The following KCNG3 variants were observed in gnomAD, a reference collection of about 807,000 sequenced individuals.
KCNG3 encodes potassium voltage-gated channel modifier subfamily G member 3.
KCNG3 carries 15 observed loss-of-function variants against 29.0 expected under a neutral mutation model. The observed-to-expected ratio is 0.52, with a 90% confidence interval of 0.35 to 0.80. KCNG3 has a LOEUF of 0.80. Ranked by LOEUF, KCNG3 falls within the 30% of genes least tolerant of loss-of-function variation. KCNG3 has a pLI of 0.01. For synonymous variants in KCNG3, 322 were observed against 248.9 expected, an observed-to-expected ratio of 1.29 and a Z score of -2.76; for missense variants, 512 against 605.7, an observed-to-expected ratio of 0.85 and a Z score of 1.62.
downstream of KCNG3, among the ~76,000 whole-genome samples, chr2:42,439,170 A>C (rs764310479): frequency 1.9e-4 from 29 of 152,142 alleles, no homozygotes; most frequent in Non-Finnish European, 2.4e-4. Flanking sequence ...CATTTGTCTC[A>C]AGCCCTCCTT....
In KCNG3 at chr2:42,476,298, C is replaced by A. The variant is rs1337186745; in HGVS notation, c.665+16539G>T. ...ACCAGCCTGGGCAACATAGAGAAAC[C>A]CAGTCTCTACAAAAAAAAAATACAA... On this transcript the variant is annotated intron_variant, in intron 1 of 1. Transcript: ENST00000306078. 1.5e-4 allele frequency among the ~76,000 whole-genome samples: 23 copies of A among 150,852 alleles called. 1 individual carries two copies. Among genetic ancestry groups the A allele is most frequent in the Admixed American group, 1.5e-3 (23 of 15,100 alleles).
intron 1 of KCNG3, among the ~76,000 whole-genome samples, chr2:42,451,710 A>G (rs1459697679): frequency 6.6e-6 from 1 of 152,074 alleles, no homozygotes; most frequent in Non-Finnish European, 1.5e-5. Context: ...TGGGCGACAG[A>G]GCAAGACTTT....
chr2:42,420,906 T>C, the KCNG3 span, among the ~76,000 whole-genome samples: 1 of 152,206 alleles, frequency 6.6e-6, no homozygotes, highest in Non-Finnish European at 1.5e-5. Flanking sequence ...AAAAATTGAA[T>C]TGACCAATTT....
chr2:42,444,240 T>C lies in KCNG3; in HGVS notation c.1005A>G (p.Ala335=), dbSNP rs1375559161. The stretch of plus-strand genomic sequence containing the variant: ...GAAGCTGAGAAAGTGCACTAAAGAT[T>C]GCCATGGCAACACAAATGAAGACAA... ...MLLVFICVAM[A]IFSALSQLLE... Residue 335 remains alanine (A), a synonymous_variant, in exon 2 of 2, where the codon GCA becomes GCG. Coordinates refer to ENST00000306078, the MANE Select transcript of KCNG3 (RefSeq NM_133329.6). This position sits in a 1 kb window ranked among gnomAD's most constrained non-coding sequence, Gnocchi z 5.8. 3 of 1,614,092 alleles carry C rather than the reference T, an allele frequency of 1.9e-6. No individual in the cohort carries two copies. Among genetic ancestry groups the C allele is most frequent in the Non-Finnish European group, 2.5e-6 (3 of 1,180,000 alleles).
At chr2:42,404,710 G>A in the KCNG3 span, among the ~76,000 whole-genome samples, 11 of 152,162 alleles carry the variant, frequency 7.2e-5, no homozygotes, top group East Asian at 1.5e-3. Flanking sequence ...CCTGGGCAAC[G>A]GAGGAAGACC....
At chr2:42,462,763 T>A (rs1352383883) in intron 1 of KCNG3, among the ~76,000 whole-genome samples, 1 of 152,202 alleles carries the variant, frequency 6.6e-6, no homozygotes, top group East Asian at 1.9e-4. Context: ...GAGCCTCTGA[T>A]CAACTGGGGT....
At chr2:42,478,085 T>A (rs539709228) in intron 1 of KCNG3, among the ~76,000 whole-genome samples, 1 of 152,186 alleles carries the variant, frequency 6.6e-6, no homozygotes, top group African/African-American at 2.4e-5. Context: ...GGTGTCCACA[T>A]TGAAGTTGAG....
At chr2:42,411,091 T>C in the KCNG3 span, among the ~76,000 whole-genome samples, 2 of 152,222 alleles carry the variant, frequency 1.3e-5, no homozygotes, top group African/African-American at 2.4e-5. Flanking sequence ...CATATATAGA[T>C]ATTTTCTCAT....
the KCNG3 span, among the ~76,000 whole-genome samples, chr2:42,427,555 A>G: frequency 6.6e-6 from 1 of 152,006 alleles, no homozygotes; most frequent in African/African-American, 2.4e-5. Flanking sequence ...GCAGTGAGCC[A>G]TTATCTCGCC....
downstream of KCNG3, among the ~76,000 whole-genome samples, chr2:42,437,692 C>G (rs559677698): frequency 7.2e-5 from 11 of 152,140 alleles, no homozygotes; most frequent in Admixed American, 1.3e-4. Flanking sequence ...AATCCCAGCA[C>G]TTTGGGAGGC....
the KCNG3 span, among the ~76,000 whole-genome samples, chr2:42,435,616 C>T: frequency 8.5e-5 from 13 of 152,108 alleles, no homozygotes; most frequent in African/African-American, 3.1e-4. Context: ...TTTAAGTAGA[C>T]ATTTCTCCAA....
chr2:42,452,978 C>T (rs1285543625), intron 1 of KCNG3, among the ~76,000 whole-genome samples: 3 of 152,150 alleles, frequency 2.0e-5, no homozygotes, highest in African/African-American at 7.2e-5. Context: ...GATGGGGTTT[C>T]ACCATGTTGG....
chr2:42,485,912 C>A (rs969646019), intron 1 of KCNG3, among the ~76,000 whole-genome samples: 1 of 152,158 alleles, frequency 6.6e-6, no homozygotes, highest in African/African-American at 2.4e-5. Flanking sequence ...AGAACATCAC[C>A]ATTCTAAGAT....
At chr2:42,412,684 T>C in the KCNG3 span, among the ~76,000 whole-genome samples, 3 of 152,206 alleles carry the variant, frequency 2.0e-5, no homozygotes, top group Admixed American at 2.0e-4. Context: ...CCTGATAACA[T>C]TATTTTATCA....
chr2:42,422,284 G>C, the KCNG3 span, among the ~76,000 whole-genome samples: 1 of 152,232 alleles, frequency 6.6e-6, no homozygotes, highest in East Asian at 1.9e-4. Flanking sequence ...TATCTTGAGA[G>C]TAGTTTTCTA....
Position 42,444,713 on chromosome 2 carries a change from T to G in KCNG3, c.666-134A>C, listed in dbSNP as rs1672557187. The G allele has an allele frequency of 9.2e-6, 7 of 760,670 alleles. No individual in the cohort carries two copies. Among genetic ancestry groups the G allele is most frequent in the Middle Eastern group, 6.6e-4 (2 of 3,036 alleles). The allele number at this position is 760,670 out of a possible 1,614,324, so 47.1% of individuals were successfully genotyped here. A position where few individuals can be genotyped will look rare whatever the true frequency, so the allele number is the denominator to read the frequency against. On this transcript the variant is annotated intron_variant, in intron 1 of 1. Transcript: ENST00000306078. The surrounding 1 kb of genome is among the most constrained non-coding windows in gnomAD (Gnocchi z 5.8). The stretch of plus-strand genomic sequence containing the variant: ...CAGAAAACATAAAGAACAGACAACA[T>G]TAGCAACATCATCAGACCACCAGGA...
chr2:42,451,517 G>A (rs1459508710), intron 1 of KCNG3, among the ~76,000 whole-genome samples: 1 of 151,984 alleles, frequency 6.6e-6, no homozygotes, highest in East Asian at 1.9e-4. Context: ...TTGAGGTCAG[G>A]AGCTCGAGAC....
chr2:42,415,020 T>C, the KCNG3 span, among the ~76,000 whole-genome samples: 2 of 152,184 alleles, frequency 1.3e-5, no homozygotes, highest in Non-Finnish European at 2.9e-5. Context: ...ATTCTCCTGT[T>C]TGTTGGATTT....
chr2:42,403,071 G>A, the KCNG3 span, among the ~76,000 whole-genome samples: 2 of 152,152 alleles, frequency 1.3e-5, no homozygotes, highest in African/African-American at 2.4e-5. Context: ...GTTTTAAAAT[G>A]GGAGTTTGCC....
Sources: allele counts gnomAD v4.1 joint callset (sites outside exome capture counted in the v4.1 genomes callset), GRCh38; gene constraint gnomAD v4.1.1; non-coding constraint Gnocchi (gnomAD v3.1); transcripts MANE v1.5; gene names NCBI Gene and HGNC (gene_info 2026-07-23, HGNC 2026-07-21).